SDK1: variants seen among roughly 807,000 people sequenced by gnomAD.
SDK1 encodes the protein protein sidekick-1.
In SDK1, 157 loss-of-function variants were observed where a neutral mutation model predicts 245.5. That is an observed-to-expected ratio of 0.64 (90% CI 0.56 to 0.73). SDK1 has a LOEUF of 0.73. Among genes scored for constraint, SDK1 ranks in the 30% least tolerant of loss-of-function variants. The pLI, the probability that SDK1 is intolerant of heterozygous loss-of-function variation, is 0.00. For synonymous variants in SDK1, 1,647 were observed against 1,278.5 expected (o/e 1.29, Z -6.15); for missense variants, 3,583 against 3,002.3 (o/e 1.19, Z -4.52).
At chr7:3,961,588 T>C (rs1781684599) in intron 8 of SDK1, among the ~76,000 whole-genome samples, 1 of 152,228 alleles carries the variant, frequency 6.6e-6, no homozygotes, top group Non-Finnish European at 1.5e-5. Context: ...CAGCTTTTCC[T>C]GTATCCACAA....
At chr7:3,600,975 T>C (rs1198346556) in intron 1 of SDK1, among the ~76,000 whole-genome samples, 1 of 152,064 alleles carries the variant, frequency 6.6e-6, no homozygotes, top group Admixed American at 6.5e-5. Context: ...CCTCAATTGA[T>C]AGCTCACCTA....
rs781311699 is a variant in SDK1, at chr7:3,639,000, A to G, written c.459-4A>G. On this transcript the variant is annotated splice_polypyrimidine_tract_variant and splice_region_variant and intron_variant, in intron 2 of 44. Coordinates refer to ENST00000404826, the MANE Select transcript of SDK1 (RefSeq NM_152744.4). Reference sequence around the variant, plus strand: ...CATTAACACTTCTTTTTGCTATTCAACAGGTACATTATTCCATCTTTGCAG... The same window carrying G: ...CATTAACACTTCTTTTTGCTATTCAGCAGGTACATTATTCCATCTTTGCAG... 1.6e-5 allele frequency: 26 copies of G among 1,583,422 alleles called. No individual in the cohort carries two copies. Among genetic ancestry groups the G allele is most frequent in the African/African-American group, 4.0e-5 (3 of 74,506 alleles).
At chr7:3,831,297 G>C (rs1334453793) in intron 5 of SDK1, among the ~76,000 whole-genome samples, 1 of 152,116 alleles carries the variant, frequency 6.6e-6, no homozygotes, top group African/African-American at 2.4e-5. Context: ...TGAATTTCCT[G>C]GGGTTCAGCT....
At chr7:3,791,719 T>C (rs760879975) in intron 4 of SDK1, among the ~76,000 whole-genome samples, 10 of 152,144 alleles carry the variant, frequency 6.6e-5, no homozygotes, top group African/African-American at 1.7e-4. Context: ...GTTTGTGAAA[T>C]TGACCTTAAT....
intron 1 of SDK1, among the ~76,000 whole-genome samples, chr7:3,361,662 A>G (rs751472350): frequency 1.1e-4 from 16 of 152,180 alleles, no homozygotes; most frequent in South Asian, 2.1e-4. Context: ...CAATTACCCT[A>G]TGGCTGCCAC....
In SDK1 at chr7:4,236,750, C is replaced by G. The variant is rs149550521; in HGVS notation, c.5993-897C>G. 3.0e-3 allele frequency among the ~76,000 whole-genome samples: 460 copies of G among 152,118 alleles called. 4 individuals carry two copies. Among genetic ancestry groups the G allele is most frequent in the African/African-American group, 0.01 (431 of 41,492 alleles). Reference sequence around the variant, plus strand: ...CTGAGCAAGACAGGAGGAGGCGTAACAGGTGGAATGTGAGTGCTGTGCGCA... The same window carrying G: ...CTGAGCAAGACAGGAGGAGGCGTAAGAGGTGGAATGTGAGTGCTGTGCGCA... On this transcript the variant is annotated intron_variant, in intron 41 of 44. Coordinates refer to ENST00000404826, the MANE Select transcript of SDK1 (RefSeq NM_152744.4).
chr7:4,232,714 C>A (rs1011602669), intron 40 of SDK1, among the ~76,000 whole-genome samples: 2 of 151,994 alleles, frequency 1.3e-5, no homozygotes, highest in Non-Finnish European at 2.9e-5. Context: ...CCTGTAACCG[C>A]AGCCTCTCAA....
At chr7:3,485,346 G>T (rs988264606) in intron 1 of SDK1, among the ~76,000 whole-genome samples, 6 of 152,076 alleles carry the variant, frequency 3.9e-5, no homozygotes, top group Non-Finnish European at 8.8e-5. Flanking sequence ...TTAAAAATCA[G>T]ATTATTTGCT....
intron 1 of SDK1, among the ~76,000 whole-genome samples, chr7:3,547,037 G>A (rs1267564163): frequency 6.6e-6 from 1 of 152,188 alleles, no homozygotes; most frequent in Non-Finnish European, 1.5e-5. Flanking sequence ...ATTAAAAAAT[G>A]TAGCTCATAC....
At chr7:3,584,657 T>C (rs1347666140) in intron 1 of SDK1, among the ~76,000 whole-genome samples, 1 of 152,106 alleles carries the variant, frequency 6.6e-6, no homozygotes, top group Non-Finnish European at 1.5e-5. Context: ...TGCTTGGGCG[T>C]GTCCGCTGAG....
intron 44 of SDK1, among the ~76,000 whole-genome samples, chr7:4,255,798 G>A (rs540012947): frequency 6.6e-6 from 1 of 152,222 alleles, no homozygotes; most frequent in Non-Finnish European, 1.5e-5. Context: ...TGGATAGGGA[G>A]AGCAGGTCAT....
chr7:4,242,984 G>A (rs1786626077), intron 43 of SDK1, among the ~76,000 whole-genome samples: 1 of 152,212 alleles, frequency 6.6e-6, no homozygotes, highest in African/African-American at 2.4e-5. Flanking sequence ...CCTTCCCAAG[G>A]GCTGGAGGTG....
chr7:3,926,262 G>T (rs1404041457), intron 5 of SDK1, among the ~76,000 whole-genome samples: 1 of 152,104 alleles, frequency 6.6e-6, no homozygotes, highest in Non-Finnish European at 1.5e-5. Flanking sequence ...TCAGCCAGAA[G>T]GAATGAAATC....
At chr7:3,712,716 C>CT (rs1583331997) in intron 4 of SDK1, among the ~76,000 whole-genome samples, 1 of 152,148 alleles carries the variant, frequency 6.6e-6, no homozygotes, top group East Asian at 1.9e-4. Context: ...CAGTAGTTAC[C>CT]TTGTTAGAGA....
chr7:4,070,923 G>C (rs950352427), intron 20 of SDK1, among the ~76,000 whole-genome samples: 3 of 151,498 alleles, frequency 2.0e-5, no homozygotes, highest in Non-Finnish European at 2.9e-5. Context: ...TGTTAGCCAG[G>C]ATGGTCTCGA....
rs1362480690 is a variant in SDK1 at position 3,791,013 on chromosome 7, C to A, written c.714-30437C>A. 7.9e-5 allele frequency among the ~76,000 whole-genome samples: 12 copies of A among 152,126 alleles called. 1 individual carries two copies. On this transcript the variant is annotated intron_variant, in intron 4 of 44. Coordinates refer to ENST00000404826, the MANE Select transcript of SDK1 (RefSeq NM_152744.4). ...GTGTGACCTTGGGCAAGTTACTTAA[C>A]CTCTCTGTGCTTCAGTATCCTCATC...
chr7:3,965,014 C>A (rs764318432), intron 9 of SDK1, among the ~76,000 whole-genome samples: 1 of 152,194 alleles, frequency 6.6e-6, no homozygotes, highest in African/African-American at 2.4e-5. Context: ...GCCTATCTTG[C>A]AATCGTGAGC....
chr7:4,081,793 T>C (rs1031101005), intron 22 of SDK1, among the ~76,000 whole-genome samples: 3 of 152,198 alleles, frequency 2.0e-5, no homozygotes, highest in Admixed American at 6.5e-5. Flanking sequence ...AGCCCTCTTA[T>C]ACCCATCAGC....
At chr7:3,471,770 T>A (rs1445510782) in intron 1 of SDK1, among the ~76,000 whole-genome samples, 1 of 152,196 alleles carries the variant, frequency 6.6e-6, no homozygotes, top group Non-Finnish European at 1.5e-5. Context: ...ATGGTTTTAC[T>A]TTTTATAGTC....
Sources: allele counts gnomAD v4.1 joint callset (sites outside exome capture counted in the v4.1 genomes callset), GRCh38; gene constraint gnomAD v4.1.1; transcripts MANE v1.5; gene names NCBI Gene and HGNC (gene_info 2026-07-23, HGNC 2026-07-21).